The following DMD variants were observed in gnomAD, a reference collection of about 807,000 sequenced individuals.
The protein encoded by DMD is dystrophin, also known as mutant dystrophin.
Under a neutral mutation model 330.1 loss-of-function variants are expected in DMD, and 63 were observed. The observed-to-expected ratio is 0.19, with a 90% CI of 0.16 to 0.24. The LOEUF is 0.24. Ranked by LOEUF, DMD falls within the 10% of genes least tolerant of loss-of-function variation. DMD has a pLI of 1.00. For synonymous variants in DMD, 1,223 were observed against 959.8 expected, an observed-to-expected ratio of 1.27 and a Z score of -5.07; for missense variants, 3,344 against 2,684.1, an observed-to-expected ratio of 1.25 and a Z score of -5.43.
chrX:33,215,615 G>A (rs1187398867), upstream of DMD, among the ~76,000 whole-genome samples: 1 of 111,335 alleles, frequency 9.0e-6, no homozygotes, highest in Non-Finnish European at 1.9e-5. Context: ...GTAAAAAAGG[G>A]TACTTCCTAG....
At chrX:31,241,835 A>C (rs1439320447) in intron 63 of DMD, among the ~76,000 whole-genome samples, 1 of 111,766 alleles carries the variant, frequency 8.9e-6, no homozygotes, top group African/African-American at 3.3e-5. Flanking sequence ...GACGGACTTC[A>C]TTATTTCTCT....
intron 1 of DMD, among the ~76,000 whole-genome samples, chrX:33,066,181 G>A (rs187683411): frequency 9.1e-6 from 1 of 110,304 alleles, no homozygotes; most frequent in Middle Eastern, 4.6e-3. Flanking sequence ...GCCAGGTGCA[G>A]TGGCTCATGC....
At chrX:31,878,335 A>G (rs1348191396) in intron 47 of DMD, among the ~76,000 whole-genome samples, 1 of 112,015 alleles carries the variant, frequency 8.9e-6, no homozygotes, top group Non-Finnish European at 1.9e-5. Context: ...TTCTGGGTCA[A>G]ACAAGCTCTG....
At chrX:32,701,240 T>C (rs547008238) in intron 7 of DMD, among the ~76,000 whole-genome samples, 7 of 111,963 alleles carry the variant, frequency 6.3e-5, no homozygotes, top group African/African-American at 2.3e-4. Context: ...TGTTACATCA[T>C]CTCCCGTTTT....
rs1484088954 is a variant in DMD at position 31,473,380 on chromosome X, TAAAA to T, written c.8937+4722_8937+4725del. On this transcript the variant is annotated intron_variant, in intron 59 of 78. Transcript: ENST00000357033. ...GAGACTGTCTCAAAAAAAAAAAAAT[TAAAA>T]AAAGAGAAACCATGGTTTATTAAAA... Among the ~76,000 whole-genome samples, 15 of 84,784 alleles carry T rather than the reference TAAAA, an allele frequency of 1.8e-4. No homozygotes were observed. The East Asian group carries it at 3.3e-3, about 18-fold the overall frequency. The allele number at this position is 84,784 out of a possible 115,157, so 73.6% of individuals were successfully genotyped here. A position where few individuals can be genotyped will look rare whatever the true frequency, so the allele number is the denominator to read the frequency against.
chrX:31,122,297 T>C (rs2032758717), intron 78 of DMD, among the ~76,000 whole-genome samples: 1 of 111,288 alleles, frequency 9.0e-6, no homozygotes, highest in Non-Finnish European at 1.9e-5. Context: ...GGATACATCT[T>C]TTCCACCTTG....
At chrX:31,370,580 A>G (rs1156389598) in intron 60 of DMD, among the ~76,000 whole-genome samples, 1 of 112,664 alleles carries the variant, frequency 8.9e-6, no homozygotes, top group Non-Finnish European at 1.9e-5. Context: ...TCACTCATAC[A>G]TTGCTGGTGG....
At chrX:32,751,228 G>A (rs1352939953) in intron 7 of DMD, among the ~76,000 whole-genome samples, 1 of 111,250 alleles carries the variant, frequency 9.0e-6, no homozygotes, top group East Asian at 2.8e-4. Context: ...TCAGAAGACA[G>A]GAAAATGTGG....
chrX:32,472,997 T>A (rs1480912200), intron 21 of DMD, among the ~76,000 whole-genome samples: 1 of 110,911 alleles, frequency 9.0e-6, no homozygotes, highest in East Asian at 2.8e-4. Flanking sequence ...GGGAAAGTAT[T>A]ATATAGAGAT....
chrX:31,831,853 T>C lies in DMD; in HGVS notation c.7200+4865A>G, dbSNP rs74602526. Among the ~76,000 whole-genome samples, 856 of 112,513 alleles carry C rather than the reference T, an allele frequency of 7.6e-3. 10 individuals are homozygous for C. In the East Asian group the frequency reaches 0.093, roughly 12 times the overall value. On this transcript the variant is annotated intron_variant, in intron 49 of 78. Transcript: ENST00000357033. ...TCCTGACTTTGTGATCCGCCCACCTTGGCCTCCCAAAGTGCTGGTATTACA... is the reference window on the plus strand; with the variant it reads ...TCCTGACTTTGTGATCCGCCCACCTCGGCCTCCCAAAGTGCTGGTATTACA...
chrX:33,064,829 C>T lies in DMD; in HGVS notation c.32-44629G>A, dbSNP rs931334629. ...GCTTGAACTTCAGAGGCGGAGGTTGCAGTGAGCCAAGATCGCGCCACTGCA... is the reference window on the plus strand; with the variant it reads ...GCTTGAACTTCAGAGGCGGAGGTTGTAGTGAGCCAAGATCGCGCCACTGCA... On this transcript the variant is annotated intron_variant, in intron 1 of 78. Transcript: ENST00000357033. Among the ~76,000 whole-genome samples the T allele has an allele frequency of 2.7e-5, 3 of 111,172 alleles. No homozygotes were observed. In the East Asian group the frequency reaches 8.5e-4, roughly 31 times the overall value.
rs1445705358 is a variant in DMD at position 33,336,245 on chromosome X, T to C, written c.7+3014A>G. Among the ~76,000 whole-genome samples, 6 of 71,979 alleles carry C rather than the reference T, an allele frequency of 8.3e-5. No individual in the cohort carries two copies. The East Asian group carries it at 1.1e-3, about 13-fold the overall frequency. 62.5% of individuals were successfully genotyped at this position (71,979 alleles called of 115,157 possible). ...TAAACAGTTCTGACTTTTTTTTTTT[T>C]CCAAAGCGTGTGTGTGTGTGTGTGT... On this transcript the variant is annotated intron_variant, in intron 1 of 17. Coordinates refer to the DMD transcript ENST00000288447.
chrX:33,073,790 T>C (rs1345587951), intron 1 of DMD, among the ~76,000 whole-genome samples: 2 of 108,877 alleles, frequency 1.8e-5, no homozygotes, highest in Admixed American at 2.0e-4. Context: ...CGAGATCGCA[T>C]CACCGCACTC....
At chrX:32,478,844 G>A (rs187642449) in intron 21 of DMD, among the ~76,000 whole-genome samples, 171 of 111,266 alleles carry the variant, frequency 1.5e-3, no homozygotes, top group African/African-American at 2.4e-3. Context: ...AAATAGATGG[G>A]TTTATAGGAA....
At chrX:32,628,490 G>GT (rs770778647) in intron 11 of DMD, among the ~76,000 whole-genome samples, 1 of 106,705 alleles carries the variant, frequency 9.4e-6, no homozygotes, top group South Asian at 4.2e-4. Flanking sequence ...TTGATCTTTT[G>GT]TATCATTTTG....
intron 1 of DMD, among the ~76,000 whole-genome samples, chrX:33,232,812 A>C (rs1027323490): frequency 6.3e-5 from 7 of 111,528 alleles, no homozygotes; most frequent in Admixed American, 9.6e-5. Flanking sequence ...GAATCGCTTA[A>C]ACCCAGCAGG....
chrX:31,725,418 C>G (rs1454813276), intron 52 of DMD, among the ~76,000 whole-genome samples: 1 of 110,960 alleles, frequency 9.0e-6, no homozygotes, highest in Non-Finnish European at 1.9e-5. Flanking sequence ...AACTAAACAG[C>G]TACCAAAAAG....
intron 44 of DMD, 70 bp from the exon 45 acceptor site, chrX:31,968,584 G>C: frequency 9.4e-7 from 1 of 1,068,924 alleles, no homozygotes; most frequent in Admixed American, 2.3e-5. Context: ...AGATTAAACA[G>C]TGTGCTACCA....
chrX:31,434,418 GCACACACACACACACACACACACACACA>G lies in DMD; in HGVS notation c.9084+10035_9084+10062del, dbSNP rs10572572. ...CTCTCACCCTTACTGCAGCGCGCGCGCACACACACACACACACACACACACACACACACACACACACACACACACACAC... is the reference window on the plus strand; with the variant it reads ...CTCTCACCCTTACTGCAGCGCGCGCGCACACACACACACACACACACACAC... On this transcript the variant is annotated intron_variant, in intron 60 of 78. Transcript: ENST00000357033. 9.8e-3 allele frequency among the ~76,000 whole-genome samples: 765 copies of G among 78,048 alleles called. 11 individuals carry two copies. The highest frequency in any genetic ancestry group is 0.03 in the African/African-American group (700 of 23,052). 67.8% of individuals were successfully genotyped at this position (78,048 alleles called of 115,157 possible).
Sources: gnomAD v4.1 joint callset for allele counts (sites outside exome capture counted in the v4.1 genomes callset) on GRCh38, gnomAD v4.1.1 for gene constraint, MANE v1.5 for transcripts, NCBI Gene and HGNC (gene_info 2026-07-23, HGNC 2026-07-21) for gene names.